Variants in RXFP1 observed in about 807,000 individuals in gnomAD.
RXFP1 encodes the protein relaxin receptor 1.
RXFP1 carries 73 observed loss-of-function variants against 89.8 expected under a neutral mutation model. That is an observed-to-expected ratio of 0.81 (90% CI 0.67 to 0.99). The LOEUF is 0.99. Among genes scored for constraint, RXFP1 ranks in the 50% least tolerant of loss-of-function variants. The probability of loss-of-function intolerance (pLI) is 0.00; values close to 1 mark genes in which losing one functional copy is unlikely to be tolerated. For synonymous variants in RXFP1, 277 were observed against 305.5 expected, an observed-to-expected ratio of 0.91 and a Z score of 0.97; for missense variants, 793 against 895.5, an observed-to-expected ratio of 0.89 and a Z score of 1.46.
At chr4:158,562,404 G>A (rs2149946104) in intron 1 of RXFP1, among the ~76,000 whole-genome samples, 1 of 148,054 alleles carries the variant, frequency 6.8e-6, no homozygotes, top group South Asian at 2.2e-4. Flanking sequence ...GGCGCCTGTA[G>A]TCCCAGCTAC....
At chr4:158,637,626 G>A (rs766388559) in intron 12 of RXFP1, among the ~76,000 whole-genome samples, 12 of 151,996 alleles carry the variant, frequency 7.9e-5, no homozygotes, top group Non-Finnish European at 1.8e-4. Context: ...TACACATTTT[G>A]GGTATTAACC....
At chr4:158,605,288 CAG>C (rs1375522939) in intron 5 of RXFP1, 149 bp downstream of exon 5, 1 of 457,592 alleles carries the variant, frequency 2.2e-6, no homozygotes, top group East Asian at 3.3e-5. Flanking sequence ...TGAAGACTTC[CAG>C]GTAACACTTA....
chr4:158,648,002 G>A (rs967766081), intron 16 of RXFP1, among the ~76,000 whole-genome samples: 2 of 117,698 alleles, frequency 1.7e-5, no homozygotes, highest in African/African-American at 3.0e-5. Flanking sequence ...GCAACACAGC[G>A]AGACTCCATC....
intron 4 of RXFP1, 80 bp downstream of exon 4, chr4:158,599,511 T>C: frequency 9.4e-7 from 1 of 1,069,192 alleles, no homozygotes; most frequent in Non-Finnish European, 1.3e-6. Context: ...CATGTGATTA[T>C]TCATAATATA....
chr4:158,580,977 A>G (rs932977954), intron 2 of RXFP1, among the ~76,000 whole-genome samples: 1 of 152,040 alleles, frequency 6.6e-6, no homozygotes, highest in African/African-American at 2.4e-5. Flanking sequence ...TTTAATAGAG[A>G]CAGGGTTTCA....
At chr4:158,637,584 A>G (rs1026112381) in intron 12 of RXFP1, among the ~76,000 whole-genome samples, 3 of 151,994 alleles carry the variant, frequency 2.0e-5, no homozygotes, top group Non-Finnish European at 4.4e-5. Context: ...TAACCAGCTT[A>G]TTTGTTTTCT....
intron 8 of RXFP1, among the ~76,000 whole-genome samples, chr4:158,616,749 A>T (rs952148947): frequency 2.0e-5 from 3 of 151,460 alleles, no homozygotes; most frequent in African/African-American, 7.2e-5. Context: ...CTGCAATCCC[A>T]GCACTTTGGG....
chr4:158,583,359 T>C (rs1579816824), intron 2 of RXFP1, among the ~76,000 whole-genome samples: 2 of 152,244 alleles, frequency 1.3e-5, no homozygotes, highest in African/African-American at 4.8e-5. Flanking sequence ...GGTGGTTTGA[T>C]GGAGACATTA....
intron 2 of RXFP1, among the ~76,000 whole-genome samples, chr4:158,578,926 C>T (rs1487177832): frequency 6.7e-6 from 1 of 150,236 alleles, no homozygotes; most frequent in Non-Finnish European, 1.5e-5. Context: ...CAAAAATTAA[C>T]GTGCAAATAA....
intron 12 of RXFP1, among the ~76,000 whole-genome samples, chr4:158,635,611 A>T (rs1768989541): frequency 6.6e-6 from 1 of 152,112 alleles, no homozygotes; most frequent in Non-Finnish European, 1.5e-5. Context: ...CTCTTAAGGG[A>T]AAGCTTTTGG....
intron 2 of RXFP1, among the ~76,000 whole-genome samples, chr4:158,592,516 G>A (rs1435587324): frequency 1.3e-5 from 2 of 152,210 alleles, no homozygotes; most frequent in African/African-American, 2.4e-5. Flanking sequence ...AGAGGTTGCA[G>A]TGAGCCAAGA....
At chr4:158,556,352 A>G (rs552586815) in intron 1 of RXFP1, among the ~76,000 whole-genome samples, 6 of 152,280 alleles carry the variant, frequency 3.9e-5, no homozygotes, top group Admixed American at 2.0e-4. Flanking sequence ...GGAAATGCAA[A>G]TCAAACCACA....
chr4:158,555,180 C>T (rs1254026532), intron 1 of RXFP1, among the ~76,000 whole-genome samples: 1 of 151,890 alleles, frequency 6.6e-6, no homozygotes, highest in Non-Finnish European at 1.5e-5. Flanking sequence ...ACATGAGTTC[C>T]CTAGATACAA....
chr4:158,652,297 A>G lies in RXFP1; in HGVS notation c.*242A>G, dbSNP rs1290594855. The stretch of plus-strand genomic sequence containing the variant: ...ATTAAGAGAAATCTACTTCAGTAAC[A>G]TTCATTCATTTTTCTAACATGCATT... On this transcript the variant is annotated 3_prime_UTR_variant, in exon 18 of 18. Transcript: ENST00000307765. 2.0e-5 allele frequency: 8 copies of G among 407,826 alleles called. No individual in the cohort carries two copies. The Admixed American group carries it at 2.9e-4, about 15-fold the overall frequency. 25.3% of individuals were successfully genotyped at this position (407,826 alleles called of 1,614,324 possible).
chr4:158,522,880 GTT>G (rs767907617), intron 1 of RXFP1, among the ~76,000 whole-genome samples: 57 of 152,236 alleles, frequency 3.7e-4, no homozygotes, highest in Non-Finnish European at 6.2e-4. Flanking sequence ...TCTCTTAAAA[GTT>G]TGCATAAGTT....
In RXFP1 at chr4:158,616,900, G is replaced by A. The variant is rs79693586; in HGVS notation, c.681-231G>A. Among the ~76,000 whole-genome samples the A allele has an allele frequency of 3.9e-3, 592 of 151,116 alleles. 2 individuals carry two copies. The highest frequency in any genetic ancestry group is 0.014 in the African/African-American group (561 of 41,122). On this transcript the variant is annotated intron_variant, in intron 8 of 17. Coordinates refer to ENST00000307765, the MANE Select transcript of RXFP1 (RefSeq NM_021634.4). ...TGTAACCCCAGCTGCTCGGAGGGCC[G>A]AGGCAGGAAAATCACTTGAACCTGG...
At chr4:158,600,830 A>C (rs1448882150) in intron 4 of RXFP1, among the ~76,000 whole-genome samples, 1 of 89,676 alleles carries the variant, frequency 1.1e-5, no homozygotes, top group African/African-American at 1.5e-4. Context: ...CTGCCTCAAA[A>C]AAAAAAAAGA....
At chr4:158,531,948 T>C (rs1022126351) in intron 1 of RXFP1, among the ~76,000 whole-genome samples, 1 of 136,962 alleles carries the variant, frequency 7.3e-6, no homozygotes, top group African/African-American at 2.7e-5. Context: ...TGTTTGTTTG[T>C]TTTACATTTA....
rs1389854424 is a variant in RXFP1 at position 158,539,069 on chromosome 4, G to T, written c.49+17044G>T. On this transcript the variant is annotated intron_variant, in intron 1 of 17. Coordinates refer to ENST00000307765, the MANE Select transcript of RXFP1 (RefSeq NM_021634.4). ...TCCTCACTACTTAACCCAGTGACCT[G>T]AATTAGCAACCACCTCCCATCATGG... Among the ~76,000 whole-genome samples the T allele has an allele frequency of 2.0e-5, 3 of 152,292 alleles. No individual in the cohort carries two copies. In the East Asian group the frequency reaches 5.8e-4, roughly 29 times the overall value.
Sources: allele counts gnomAD v4.1 joint callset (sites outside exome capture counted in the v4.1 genomes callset), GRCh38; gene constraint gnomAD v4.1.1; transcripts MANE v1.5; gene names NCBI Gene and HGNC (gene_info 2026-07-23, HGNC 2026-07-21).